Variants in STXBP3 observed in about 807,000 individuals in gnomAD.
STXBP3 encodes syntaxin-binding protein 3.
A neutral mutation model predicts 85.7 loss-of-function variants in STXBP3; 41 were observed. The ratio of observed to expected loss-of-function variants is 0.48; its 90% CI spans 0.37 to 0.62. STXBP3 has a LOEUF of 0.62. STXBP3 is among the 20% of genes least tolerant of loss of function. The probability of loss-of-function intolerance (pLI) is 0.00; values close to 1 mark genes in which losing one functional copy is unlikely to be tolerated. For synonymous variants in STXBP3, 229 were observed against 231.7 expected, an observed-to-expected ratio of 0.99 and a Z score of 0.10; for missense variants, 563 against 703.1, an observed-to-expected ratio of 0.80 and a Z score of 2.25.
intron 1 of STXBP3, among the ~76,000 whole-genome samples, chr1:108,750,697 A>C (rs1661881298): frequency 6.6e-6 from 1 of 152,166 alleles, no homozygotes; most frequent in African/African-American, 2.4e-5. Context: ...CAGACTCCAC[A>C]GGTTTAAGGG....
In STXBP3 at chr1:108,793,602, C is replaced by G; in HGVS notation, c.984C>G (p.Thr328=). The G allele has an allele frequency of 6.2e-7, 1 of 1,611,940 alleles. No homozygotes were observed. Among genetic ancestry groups the G allele is most frequent in the South Asian group, 1.1e-5 (1 of 90,922 alleles). ...CCTAGACATCACTTAGTGCTCTTAC[C>G]CAGCTGATGAAAAAGATGCCCCATT... ...TEGKTSLSAL[T]QLMKKMPHFR... The change falls in exon 12 of 19, where the codon ACC becomes ACG. Residue 328 remains threonine, a synonymous_variant. Coordinates refer to ENST00000370008, the MANE Select transcript of STXBP3 (RefSeq NM_007269.4).
chr1:108,777,644 G>A (rs959355564), intron 8 of STXBP3, among the ~76,000 whole-genome samples: 5 of 152,130 alleles, frequency 3.3e-5, no homozygotes, highest in African/African-American at 1.2e-4. Context: ...TGGAAAAAGA[G>A]CAAAATCCAC....
At chr1:108,808,373 AG>A (rs921780381) in intron 18 of STXBP3, among the ~76,000 whole-genome samples, 3 of 152,202 alleles carry the variant, frequency 2.0e-5, no homozygotes, top group African/African-American at 7.2e-5. Flanking sequence ...TAAGAATTTC[AG>A]TCAAAGCCAA....
At chr1:108,790,997 T>A (rs3006878) in intron 11 of STXBP3, among the ~76,000 whole-genome samples, 110,494 of 152,078 alleles carry the variant, frequency 0.73, 41,169 homozygotes, top group African/African-American at 0.78. Context: ...TATTTATACA[T>A]TCTGGTACTG....
chr1:108,801,614 G>T (rs971714384), intron 17 of STXBP3, among the ~76,000 whole-genome samples: 2 of 151,404 alleles, frequency 1.3e-5, no homozygotes, highest in African/African-American at 4.9e-5. Context: ...GTTAGGGGTT[G>T]CATTCCAAAA....
rs984471053 is a variant in STXBP3 at position 108,746,703 on chromosome 1, G to T, written c.-35G>T. 1.9e-6 allele frequency: 3 copies of T among 1,547,914 alleles called. No individual in the cohort carries two copies. Among genetic ancestry groups the T allele is most frequent in the Non-Finnish European group, 2.6e-6 (3 of 1,145,348 alleles). On this transcript the variant is annotated 5_prime_UTR_variant, in exon 1 of 19. Coordinates refer to ENST00000370008, the MANE Select transcript of STXBP3 (RefSeq NM_007269.4). ...CTGCGGCCAAAGTAGGTTGGGAGTG[G>T]AAGGTGGTGGCTGCTGCTCCGCAGT... is the stretch of plus-strand genomic sequence containing the variant.
chr1:108,793,783 C>T, intron 12 of STXBP3, 136 bp downstream of exon 12: 1 of 596,366 alleles, frequency 1.7e-6, no homozygotes, highest in East Asian at 3.2e-5. Flanking sequence ...TACTATAGGT[C>T]TGAGAGATAT....
Position 108,758,551 on chromosome 1 carries a change from G to A in STXBP3, c.300G>A (p.Glu100=). The A allele has an allele frequency of 6.5e-7, 1 of 1,546,670 alleles. No individual in the cohort carries two copies. The highest frequency in any genetic ancestry group is 8.8e-7 in the Non-Finnish European group (1 of 1,142,202). Residue 100 remains glutamate (E), a synonymous_variant, in exon 5 of 19, where the codon GAG becomes GAA. Transcript: ENST00000370008. ...CFLHDFASKS[E]NKYKAAYIYF... is the part of the protein sequence containing the mutation. ...TACATGATTTTGCAAGTAAATCGGA[G>A]AACAAGTATAAAGCAGCATATATTT...
intron 4 of STXBP3, 55 bp from the exon 5 acceptor site, chr1:108,758,455 A>G: frequency 1.1e-6 from 1 of 878,886 alleles, no homozygotes; most frequent in Non-Finnish European, 1.7e-6. Flanking sequence ...TCAAAAGGTA[A>G]CATATTTAAA....
intron 9 of STXBP3, chr1:108,780,417 C>CT (rs1557809523): frequency 6.6e-6 from 1 of 151,164 alleles, no homozygotes; most frequent in African/African-American, 2.4e-5. Flanking sequence ...TTTAAGTAGA[C>CT]TTATTTTTTA....
chr1:108,747,110 G>GCCGCGCTCCCCACTCTTCTCCGCTCCCGT (rs142217554), intron 1 of STXBP3, among the ~76,000 whole-genome samples: 65,515 of 146,782 alleles, frequency 0.45, 14,905 homozygotes, highest in Non-Finnish European at 0.5. Context: ...CGTGCCCTCG[G>GCCGCGCTCCCCACTCTTCTCCGCTCCCGT]CCGCGCTCCC....
chr1:108,785,416 G>C (rs967373357), intron 11 of STXBP3, among the ~76,000 whole-genome samples: 2 of 152,134 alleles, frequency 1.3e-5, no homozygotes, highest in Non-Finnish European at 2.9e-5. Flanking sequence ...TTTAGCCACA[G>C]CTGGGATGCA....
chr1:108,748,310 G>A (rs1661835212), intron 1 of STXBP3, among the ~76,000 whole-genome samples: 1 of 152,162 alleles, frequency 6.6e-6, no homozygotes, highest in Admixed American at 6.5e-5. Context: ...GGGGCAAGAT[G>A]ATCACCTGAG....
chr1:108,772,948 C>T (rs1201825442), intron 7 of STXBP3, 129 bp downstream of exon 7: 20 of 832,860 alleles, frequency 2.4e-5, no homozygotes, highest in South Asian at 4.5e-5. Context: ...CCATGCTCTA[C>T]ATATAGGAGA....
intron 6 of STXBP3, among the ~76,000 whole-genome samples, chr1:108,765,843 G>A (rs1020047804): frequency 6.3e-5 from 9 of 143,970 alleles, no homozygotes; most frequent in African/African-American, 2.3e-4. Flanking sequence ...CACTGCTCCC[G>A]GCATTTTTTT....
At position 108,776,415 on chromosome 1, in the gene STXBP3, C is replaced by G; in HGVS notation, c.676C>G (p.Leu226Val). ...EDYYKIDEKS[L>V]IKGKTHSQLL... ...CTACTACAAGATTGATGAAAAGAGC[C>G]TAATAAAGGTAATGTATGCAAGGCA... Residue 226 changes from leucine to valine, a missense_variant, in exon 8 of 19, where the codon CTA (leucine) becomes GTA (valine). Leu to Val is a conservative substitution (Grantham distance 32, BLOSUM62 1). Around this residue, in one of 3 missense-constraint regions of STXBP3, gnomAD observed 494 missense variants for 592.8 expected, o/e 0.83. Transcript: ENST00000370008. The G allele has an allele frequency of 6.2e-7, 1 of 1,603,484 alleles. No individual in the cohort carries two copies. Among genetic ancestry groups the G allele is most frequent in the Non-Finnish European group, 8.5e-7 (1 of 1,174,360 alleles).
chr1:108,786,559 T>G (rs1381463339), intron 11 of STXBP3, among the ~76,000 whole-genome samples: 1 of 152,220 alleles, frequency 6.6e-6, no homozygotes, highest in Non-Finnish European at 1.5e-5. Context: ...CTTTCACCAT[T>G]GAGTTGCAGT....
At chr1:108,771,848 CAT>C (rs1490183713) in intron 6 of STXBP3, among the ~76,000 whole-genome samples, 5 of 36,258 alleles carry the variant, frequency 1.4e-4, no homozygotes, top group African/African-American at 1.3e-4. Context: ...TATATAAATA[CAT>C]ATGATATCTA....
In STXBP3 at chr1:108,775,892, G is replaced by T. The variant is rs75873823; in HGVS notation, c.594-441G>T. On this transcript the variant is annotated intron_variant, in intron 7 of 18. Transcript: ENST00000370008. Reference sequence around the variant, plus strand: ...GATAAAATGAATAAATCCGATATGTGTGTCAATGTCAATGTAGATAAATCT... The same window carrying T: ...GATAAAATGAATAAATCCGATATGTTTGTCAATGTCAATGTAGATAAATCT... Among the ~76,000 whole-genome samples, 894 of 151,956 alleles carry T rather than the reference G, an allele frequency of 5.9e-3. 15 individuals are homozygous for T. The highest frequency in any genetic ancestry group is 0.02 in the African/African-American group (831 of 41,426).
Sources: allele counts gnomAD v4.1 joint callset (sites outside exome capture counted in the v4.1 genomes callset), GRCh38; gene constraint gnomAD v4.1.1; regional missense constraint gnomAD v4.1.1; transcripts MANE v1.5; gene names NCBI Gene and HGNC (gene_info 2026-07-23, HGNC 2026-07-21).